Variants in FBLN1 observed in about 807,000 individuals in gnomAD.
FBLN1 encodes fibulin-1.
Under a neutral mutation model 89.7 loss-of-function variants are expected in FBLN1, and 34 were observed. The observed-to-expected ratio is 0.38, with a 90% CI of 0.29 to 0.50. The LOEUF is 0.50. Ranked by LOEUF, FBLN1 falls within the 20% of genes least tolerant of loss-of-function variation. FBLN1 has a pLI of 0.92. For missense variants in FBLN1, 777 were observed against 988.1 expected, an observed-to-expected ratio of 0.79 and a Z score of 2.86; for synonymous variants, 393 against 391.3, an observed-to-expected ratio of 1.00 and a Z score of -0.05.
Position 45,510,232 on chromosome 22 carries a change from C to G in FBLN1, c.79+7168C>G, listed in dbSNP as rs544966788. On this transcript the variant is annotated intron_variant, in intron 1 of 16. Transcript: ENST00000327858. ...CGGATTTTGGAAGGACGCGGTCTCA[C>G]AATAAAAGACAGTATTGTAGATGGA... Among the ~76,000 whole-genome samples the G allele has an allele frequency of 2.8e-4, 43 of 152,258 alleles. No individual in the cohort carries two copies. The South Asian group carries it at 3.7e-3, about 13-fold the overall frequency.
rs138395983 is a variant in FBLN1 at position 45,559,282 on chromosome 22, C to T, written c.1697+8667C>T. 7.4e-4 allele frequency among the ~76,000 whole-genome samples: 112 copies of T among 152,296 alleles called. 3 individuals are homozygous for T. In the East Asian group the frequency reaches 0.013, roughly 18 times the overall value. ...CCACTTGGTTAAACTTACGATAATCCGCTGCCGTTCACCAAGATCCATCTG... is the reference window on the plus strand; with the variant it reads ...CCACTTGGTTAAACTTACGATAATCTGCTGCCGTTCACCAAGATCCATCTG... On this transcript the variant is annotated intron_variant, in intron 14 of 16. Coordinates refer to ENST00000327858, the MANE Select transcript of FBLN1 (RefSeq NM_006486.3).
rs1189094428 is a variant in FBLN1 at position 45,601,075 on chromosome 22, A to G, written c.*629A>G. ...AGGGGAATGGCTGGGATTTCTCGGC[A>G]CTCTGCATCATCCATCTTTTCTTAT... On this transcript the variant is annotated 3_prime_UTR_variant, in exon 17 of 17. Transcript: ENST00000327858. 2.5e-5 allele frequency: 4 copies of G among 158,954 alleles called. No homozygotes were observed. The highest frequency in any genetic ancestry group is 5.5e-5 in the Non-Finnish European group (4 of 72,344). 9.8% of individuals were successfully genotyped at this position (158,954 alleles called of 1,614,324 possible). A position where few individuals can be genotyped will look rare whatever the true frequency, so the allele number is the denominator to read the frequency against.
At chr22:45,553,853 G>C (rs1029828662) in intron 14 of FBLN1, among the ~76,000 whole-genome samples, 1 of 152,172 alleles carries the variant, frequency 6.6e-6, no homozygotes, top group African/African-American at 2.4e-5. Flanking sequence ...CTTCCCTCTG[G>C]CAAAACAAAT....
rs531457672 is a variant in FBLN1 at position 45,573,224 on chromosome 22, C to CAAAT, written c.1698-1265_1698-1262dup. Among the ~76,000 whole-genome samples the CAAAT allele has an allele frequency of 3.3e-3, 502 of 150,958 alleles. 2 individuals carry two copies. The highest frequency in any genetic ancestry group is 9.1e-3 in the African/African-American group (374 of 41,140). On this transcript the variant is annotated intron_variant, in intron 14 of 16. Transcript: ENST00000327858. ...CTGGGTGACGAGCAAAACTCCGTCT[C>CAAAT]AAATAAATAAATAAATAAATAAATA...
intron 4 of FBLN1, 96 bp downstream of exon 4, chr22:45,528,105 T>G: frequency 7.1e-7 from 1 of 1,399,988 alleles, no homozygotes; most frequent in Non-Finnish European, 9.8e-7. Flanking sequence ...TTTTAAGGAC[T>G]TGGCTCATGT....
Position 45,564,670 on chromosome 22 carries a change from G to A in FBLN1, c.1698-9841G>A, listed in dbSNP as rs113792938. ...CAGGCTGCGGTTCCTGTTGACTCGC[G>A]TTTCACATTTGTCTTCCGCACCTTC... On this transcript the variant is annotated intron_variant, in intron 14 of 16. Coordinates refer to ENST00000327858, the MANE Select transcript of FBLN1 (RefSeq NM_006486.3). Among the ~76,000 whole-genome samples, 7 of 152,316 alleles carry A rather than the reference G, an allele frequency of 4.6e-5. No individual in the cohort carries two copies. The East Asian group carries it at 9.6e-4, about 21-fold the overall frequency.
At chr22:45,600,094 CT>C (rs1223983323) in intron 16 of FBLN1, among the ~76,000 whole-genome samples, 3 of 152,222 alleles carry the variant, frequency 2.0e-5, no homozygotes, top group Non-Finnish European at 4.4e-5. Flanking sequence ...AGTGAGTTCA[CT>C]TTCACCAGTC....
At chr22:45,573,695 A>AAAAAC (rs1569262051) in intron 14 of FBLN1, among the ~76,000 whole-genome samples, 1 of 149,516 alleles carries the variant, frequency 6.7e-6, no homozygotes, top group Non-Finnish European at 1.5e-5. Context: ...AAAAAAAAAA[A>AAAAAC]AAAAAACCCA....
intron 14 of FBLN1, chr22:45,564,913 C>G: frequency 6.2e-7 from 1 of 1,614,104 alleles, no homozygotes; most frequent in Non-Finnish European, 8.5e-7. Context: ...AGGCAGAACA[C>G]CCCAGCGGGA....
intron 14 of FBLN1, chr22:45,558,176 CTT>C: frequency 1.4e-6 from 1 of 703,878 alleles, no homozygotes. Context: ...CCTCATGTAA[CTT>C]AACTTGTGCC....
chr22:45,570,355 G>GA (rs56383142), intron 14 of FBLN1, among the ~76,000 whole-genome samples: 4 of 108,634 alleles, frequency 3.7e-5, no homozygotes, highest in Non-Finnish European at 5.3e-5. Flanking sequence ...GAAAAGAAAA[G>GA]AAAAAAAAAA....
rs773498758 is a variant in FBLN1 at position 45,531,330 on chromosome 22, A to C, written c.544+6A>C. 1.2e-6 allele frequency: 2 copies of C among 1,613,034 alleles called. No individual in the cohort carries two copies. The highest frequency in any genetic ancestry group is 1.7e-6 in the Non-Finnish European group (2 of 1,179,162). ...TCTGAATGACCGCTGCCGAGGTGAG[A>C]CTCGGGCGTCTCCCATCAGTTGGTA... On this transcript the variant is annotated splice_donor_region_variant and intron_variant, in intron 5 of 16. Coordinates refer to ENST00000327858, the MANE Select transcript of FBLN1 (RefSeq NM_006486.3). The surrounding 1 kb of genome is among the most constrained non-coding windows in gnomAD (Gnocchi z 4.9).
chr22:45,535,365 G>C (rs1231793926), intron 8 of FBLN1, 28 bp downstream of exon 8: 1 of 1,613,466 alleles, frequency 6.2e-7, no homozygotes, highest in Non-Finnish European at 8.5e-7. Flanking sequence ...AGGATTAGCG[G>C]GTTATTCCAG....
At chr22:45,570,350 GAAAAGAAAAAA>G (rs1450995268) in intron 14 of FBLN1, among the ~76,000 whole-genome samples, 5 of 69,240 alleles carry the variant, frequency 7.2e-5, no homozygotes, top group East Asian at 8.1e-4. Context: ...GAAAAGAAAA[GAAAAGAAAAAA>G]AAAAGAAAAA....
intron 16 of FBLN1, among the ~76,000 whole-genome samples, chr22:45,595,880 TG>T (rs2089180226): frequency 6.6e-6 from 1 of 152,298 alleles, no homozygotes; most frequent in Non-Finnish European, 1.5e-5. Flanking sequence ...TTTTTGGTTT[TG>T]TTTTTTGAGA....
intron 1 of FBLN1, among the ~76,000 whole-genome samples, chr22:45,512,086 G>T (rs79859488): frequency 6.6e-6 from 1 of 151,908 alleles, no homozygotes; most frequent in South Asian, 2.1e-4. Flanking sequence ...AGTTACCAGC[G>T]AGTGCCTGTT....
chr22:45,574,587 C>A lies in FBLN1; in HGVS notation c.1774C>A (p.Pro592Thr). 1.2e-6 allele frequency: 2 copies of A among 1,614,110 alleles called. No individual in the cohort carries two copies. The highest frequency in any genetic ancestry group is 1.7e-6 in the Non-Finnish European group (2 of 1,180,026). Residue 592 changes from proline to threonine, a missense_variant, in exon 15 of 17, where the codon CCC becomes ACC. By Grantham distance (38) the Pro-to-Thr change is conservative. Coordinates refer to ENST00000327858, the MANE Select transcript of FBLN1 (RefSeq NM_006486.3). This position sits in a 1 kb window ranked among gnomAD's most constrained non-coding sequence, Gnocchi z 4.1. ...CAACGATGTCACATGCGTGTTCGACCCCGTGCACACCATCTCCCACACCGT... is the reference window on the plus strand; with the variant it reads ...CAACGATGTCACATGCGTGTTCGACACCGTGCACACCATCTCCCACACCGT... ...RPNDVTCVFD[P>T]VHTISHTVIS...
chr22:45,570,412 CAGAATT>C (rs2088943605), intron 14 of FBLN1, among the ~76,000 whole-genome samples: 1 of 135,796 alleles, frequency 7.4e-6, no homozygotes, highest in African/African-American at 2.7e-5. Context: ...AAAATCGAGT[CAGAATT>C]AGAAGAAAAC....
In FBLN1 at chr22:45,574,723, C is replaced by G; in HGVS notation, c.1840+70C>G. 7.2e-7 allele frequency: 1 copy of G among 1,385,494 alleles called. No homozygotes were observed. The allele number at this position is 1,385,494 out of a possible 1,614,324, so 85.8% of individuals were successfully genotyped here. The stretch of plus-strand genomic sequence containing the variant: ...CCTCGGCTTCAGCTGAGGGCTTGGC[C>G]TACAGGAGTTGTTCCTTGTAAGATG... On this transcript the variant is annotated intron_variant, in intron 15 of 16. Transcript: ENST00000327858. The surrounding 1 kb of genome is among the most constrained non-coding windows in gnomAD (Gnocchi z 4.1).
Sources: allele counts gnomAD v4.1 joint callset (sites outside exome capture counted in the v4.1 genomes callset), GRCh38; gene constraint gnomAD v4.1.1; non-coding constraint Gnocchi (gnomAD v3.1); transcripts MANE v1.5; gene names NCBI Gene and HGNC (gene_info 2026-07-23, HGNC 2026-07-21).